ADAMTSL1: variants seen among roughly 807,000 people sequenced by gnomAD.
ADAMTSL1 encodes the protein ADAMTS-like protein 1.
ADAMTSL1 carries 126 observed loss-of-function variants against 201.8 expected under a neutral mutation model. That is an observed-to-expected ratio of 0.62 (90% CI 0.54 to 0.72). ADAMTSL1 has a LOEUF of 0.72. ADAMTSL1 is among the 30% of genes least tolerant of loss of function. The pLI, the probability that ADAMTSL1 is intolerant of heterozygous loss-of-function variation, is 0.00. For missense variants in ADAMTSL1, 2,679 were observed against 2,277.8 expected, an observed-to-expected ratio of 1.18 and a Z score of -3.59; for synonymous variants, 1,121 against 903.4, an observed-to-expected ratio of 1.24 and a Z score of -4.32.
chr9:18,707,176 A>G, intron 14 of ADAMTSL1, 128 bp downstream of exon 14: 2 of 1,199,168 alleles, frequency 1.7e-6, no homozygotes, highest in South Asian at 1.6e-5. Flanking sequence ...GGAGGCAGCC[A>G]TTCTAAATGT....
chr9:18,013,872 T>TC (rs1161151166), intron 1 of ADAMTSL1, among the ~76,000 whole-genome samples: 1 of 151,978 alleles, frequency 6.6e-6, no homozygotes, highest in Non-Finnish European at 1.5e-5. Context: ...GATCAAGTTT[T>TC]CCATATAAAA....
chr9:18,325,079 A>G (rs1834777060), intron 2 of ADAMTSL1, among the ~76,000 whole-genome samples: 1 of 152,216 alleles, frequency 6.6e-6, no homozygotes, highest in African/African-American at 2.4e-5. Flanking sequence ...TAATTAGAAT[A>G]CTGACATCAC....
chr9:18,793,212 G>A (rs892342526), intron 19 of ADAMTSL1: 2 of 152,328 alleles, frequency 1.3e-5, no homozygotes, highest in African/African-American at 4.8e-5. Flanking sequence ...TAACTCGATT[G>A]ATTGATGGAA....
intron 2 of ADAMTSL1, among the ~76,000 whole-genome samples, chr9:18,506,794 C>A (rs1028383640): frequency 6.6e-6 from 1 of 152,038 alleles, no homozygotes; most frequent in African/African-American, 2.4e-5. Flanking sequence ...TAATCTCATA[C>A]AAGGCTGACC....
intron 4 of ADAMTSL1, among the ~76,000 whole-genome samples, chr9:18,588,290 T>A (rs752086923): frequency 4.9e-4 from 74 of 152,260 alleles, no homozygotes; most frequent in Non-Finnish European, 9.0e-4. Context: ...TCTATTCAGG[T>A]CTTTTGTCCA....
intron 2 of ADAMTSL1, among the ~76,000 whole-genome samples, chr9:18,514,730 C>T (rs1312061552): frequency 2.0e-5 from 3 of 152,222 alleles, no homozygotes; most frequent in African/African-American, 7.2e-5. Flanking sequence ...ATCATGTCAT[C>T]TGCAAATAGA....
chr9:18,065,007 C>G (rs1461625726), intron 1 of ADAMTSL1, among the ~76,000 whole-genome samples: 1 of 119,214 alleles, frequency 8.4e-6, no homozygotes, highest in African/African-American at 3.3e-5. Context: ...CTGAATAAAC[C>G]TGGGAACAAG....
intron 1 of ADAMTSL1, among the ~76,000 whole-genome samples, chr9:18,031,008 A>C (rs1451829672): frequency 6.6e-6 from 1 of 152,148 alleles, no homozygotes; most frequent in African/African-American, 2.4e-5. Context: ...TTTCAACTCC[A>C]GAAGTCCACT....
At chr9:17,993,548 G>A (rs898607405) in intron 1 of ADAMTSL1, among the ~76,000 whole-genome samples, 1 of 152,116 alleles carries the variant, frequency 6.6e-6, no homozygotes, top group African/African-American at 2.4e-5. Flanking sequence ...TTTTTGGGAA[G>A]CCTGTTCCAA....
At chr9:18,072,099 A>G (rs1822997260) in intron 1 of ADAMTSL1, among the ~76,000 whole-genome samples, 1 of 152,154 alleles carries the variant, frequency 6.6e-6, no homozygotes, top group Non-Finnish European at 1.5e-5. Flanking sequence ...GGTGGTCCAA[A>G]AGCCATGTGC....
At chr9:18,179,010 G>C (rs1828318813) in intron 2 of ADAMTSL1, among the ~76,000 whole-genome samples, 1 of 152,246 alleles carries the variant, frequency 6.6e-6, no homozygotes, top group African/African-American at 2.4e-5. Context: ...ACCAGCAACA[G>C]AACAAAGCTG....
intron 2 of ADAMTSL1, among the ~76,000 whole-genome samples, chr9:18,273,967 C>A (rs1340950090): frequency 6.6e-6 from 1 of 152,160 alleles, no homozygotes; most frequent in African/African-American, 2.4e-5. Flanking sequence ...CCCTAAAATG[C>A]GTAAATCCTG....
At chr9:18,173,737 A>T (rs1023873002) in intron 2 of ADAMTSL1, among the ~76,000 whole-genome samples, 1 of 152,146 alleles carries the variant, frequency 6.6e-6, no homozygotes, top group African/African-American at 2.4e-5. Context: ...ACAGAGTAAA[A>T]TTCGGTTTAA....
chr9:18,879,626 G>A (rs1828399648), intron 23 of ADAMTSL1, among the ~76,000 whole-genome samples: 1 of 151,816 alleles, frequency 6.6e-6, no homozygotes, highest in African/African-American at 2.4e-5. Context: ...ACACATACAT[G>A]CCTTAATTTA....
In ADAMTSL1 at chr9:17,910,542, G is replaced by C. The variant is rs1825879018; in HGVS notation, c.87+3620G>C. ...GATGATGACAGCAGATTTGGGTCTT[G>C]TGTGTGTGTTGCAAGTGGCTTATTG... On this transcript the variant is annotated intron_variant, in intron 1 of 29. Coordinates refer to the ADAMTSL1 transcript ENST00000680146. 5.8e-5 allele frequency among the ~76,000 whole-genome samples: 4 copies of C among 68,840 alleles called. 2 individuals are homozygous for C. The highest frequency in any genetic ancestry group is 1.8e-4 in the Non-Finnish European group (4 of 22,488). 45.2% of individuals were successfully genotyped at this position (68,840 alleles called of 152,430 possible). A position where few individuals can be genotyped will look rare whatever the true frequency, so the allele number is the denominator to read the frequency against.
chr9:18,297,724 T>A (rs1833529538), intron 2 of ADAMTSL1, among the ~76,000 whole-genome samples: 1 of 152,176 alleles, frequency 6.6e-6, no homozygotes, highest in African/African-American at 2.4e-5. Context: ...TGGGCTCAAT[T>A]TGAAGAAAAA....
chr9:18,669,185 A>C (rs1829655939), intron 9 of ADAMTSL1, among the ~76,000 whole-genome samples: 1 of 152,258 alleles, frequency 6.6e-6, no homozygotes, highest in African/African-American at 2.4e-5. Context: ...CCACATACCC[A>C]GGTTAGGCAA....
intron 3 of ADAMTSL1, among the ~76,000 whole-genome samples, chr9:18,564,511 T>A (rs985154162): frequency 1.3e-5 from 2 of 152,216 alleles, no homozygotes; most frequent in African/African-American, 4.8e-5. Flanking sequence ...GAACTTGTTT[T>A]GCAACAGACC....
intron 20 of ADAMTSL1, among the ~76,000 whole-genome samples, chr9:18,797,822 A>G (rs138976077): frequency 6.6e-6 from 1 of 152,236 alleles, no homozygotes; most frequent in Non-Finnish European, 1.5e-5. Context: ...CACATTGTTC[A>G]TACTCAATAA....
Sources: allele counts gnomAD v4.1 joint callset (sites outside exome capture counted in the v4.1 genomes callset), GRCh38; gene constraint gnomAD v4.1.1; transcripts MANE v1.5; gene names NCBI Gene and HGNC (gene_info 2026-07-23, HGNC 2026-07-21).